The following PARD3 variants were observed in gnomAD, a reference collection of about 807,000 sequenced individuals.
PARD3 encodes par-3 family cell polarity regulator.
A neutral mutation model predicts 155.4 loss-of-function variants in PARD3; 75 were observed. The ratio of observed to expected loss-of-function variants is 0.48; its 90% CI spans 0.40 to 0.58. The LOEUF (loss-of-function observed/expected upper bound fraction) is 0.58, where lower values mean the gene tolerates loss of function less well. PARD3 is among the 20% of genes least tolerant of loss of function. PARD3 has a pLI of 0.00. For synonymous variants in PARD3, 576 were observed against 610.5 expected (o/e 0.94, Z 0.83); for missense variants, 1,642 against 1,721.7 (o/e 0.95, Z 0.82).
chr10:34,114,555 G>A (rs1946562138), intron 24 of PARD3, among the ~76,000 whole-genome samples: 1 of 152,124 alleles, frequency 6.6e-6, no homozygotes, highest in African/African-American at 2.4e-5. Context: ...TGTTGGACCA[G>A]GCTGGTCTTG....
chr10:34,496,072 T>C (rs1360204556), intron 3 of PARD3, among the ~76,000 whole-genome samples: 1 of 151,738 alleles, frequency 6.6e-6, no homozygotes, highest in East Asian at 1.9e-4. Flanking sequence ...CATGGTGGTG[T>C]GCGCCTGTAG....
intron 2 of PARD3, among the ~76,000 whole-genome samples, chr10:34,573,287 T>C (rs1334156676): frequency 6.6e-6 from 1 of 152,086 alleles, no homozygotes; most frequent in East Asian, 1.9e-4. Flanking sequence ...GCCCAGGAGG[T>C]TGAGGCTGTA....
chr10:34,219,709 ATC>A (rs1218786511), intron 22 of PARD3, among the ~76,000 whole-genome samples: 4 of 152,188 alleles, frequency 2.6e-5, no homozygotes, highest in African/African-American at 9.6e-5. Context: ...TCACCTGTAA[ATC>A]TCTTAGTCAT....
chr10:34,792,426 C>T (rs1350611394), intron 1 of PARD3, among the ~76,000 whole-genome samples: 1 of 152,178 alleles, frequency 6.6e-6, no homozygotes, highest in Non-Finnish European at 1.5e-5. Flanking sequence ...CCCATTCTCC[C>T]ATTATCAACA....
At chr10:34,746,109 A>G (rs1005119383) in intron 1 of PARD3, among the ~76,000 whole-genome samples, 2 of 152,016 alleles carry the variant, frequency 1.3e-5, no homozygotes, top group African/African-American at 4.8e-5. Context: ...CTCAAAAAAC[A>G]AAAAAGAAAA....
chr10:34,425,974 A>G (rs569780705), intron 5 of PARD3, among the ~76,000 whole-genome samples: 1 of 152,342 alleles, frequency 6.6e-6, no homozygotes, highest in South Asian at 2.1e-4. Context: ...TGTGGACCCA[A>G]TAAACTATCA....
chr10:34,808,271 G>A (rs889088916), intron 1 of PARD3, among the ~76,000 whole-genome samples: 3 of 151,992 alleles, frequency 2.0e-5, no homozygotes, highest in Non-Finnish European at 4.4e-5. Context: ...CAGAGATCAC[G>A]CCACTTCACT....
At chr10:34,362,971 C>T (rs1379438707) in intron 12 of PARD3, among the ~76,000 whole-genome samples, 3 of 152,172 alleles carry the variant, frequency 2.0e-5, no homozygotes, top group Non-Finnish European at 4.4e-5. Context: ...ATTATTCTGT[C>T]AATCAGTACT....
At chr10:34,191,136 G>A (rs1487086205) in intron 22 of PARD3, among the ~76,000 whole-genome samples, 1 of 151,934 alleles carries the variant, frequency 6.6e-6, no homozygotes, top group Non-Finnish European at 1.5e-5. Context: ...TGAGATGGGA[G>A]AGCAGCTAGG....
In PARD3 at chr10:34,119,392, G is replaced by T. The variant is rs116807418; in HGVS notation, c.3668+221C>A. ...TCACTTTTTTAGGGAGCTTGTGGGT[G>T]AAAATACTGGCATCTCCTGCAATGG... On this transcript the variant is annotated intron_variant, in intron 24 of 24. Coordinates refer to ENST00000374788, the MANE Select transcript of PARD3 (RefSeq NM_001184785.2). Among the ~76,000 whole-genome samples, 455 of 152,320 alleles carry T rather than the reference G, an allele frequency of 3.0e-3. 1 individual carries two copies. The highest frequency in any genetic ancestry group is 0.01 in the African/African-American group (432 of 41,578).
chr10:34,538,400 T>C (rs924271223), intron 2 of PARD3, among the ~76,000 whole-genome samples: 12 of 152,210 alleles, frequency 7.9e-5, no homozygotes, highest in African/African-American at 2.4e-4. Flanking sequence ...CATTCGCTGA[T>C]AAACAGGCTA....
At chr10:34,200,018 G>T (rs1458709954) in intron 22 of PARD3, among the ~76,000 whole-genome samples, 1 of 152,194 alleles carries the variant, frequency 6.6e-6, no homozygotes, top group East Asian at 1.9e-4. Flanking sequence ...ATTGGTAAGT[G>T]AAGATCATGG....
chr10:34,365,996 T>C (rs1839932893), intron 12 of PARD3, among the ~76,000 whole-genome samples: 1 of 152,200 alleles, frequency 6.6e-6, no homozygotes, highest in Admixed American at 6.5e-5. Flanking sequence ...GAATTACAAG[T>C]GATTTTAATT....
intron 2 of PARD3, among the ~76,000 whole-genome samples, chr10:34,695,324 A>C (rs2133469136): frequency 6.6e-6 from 1 of 152,046 alleles, no homozygotes; most frequent in Admixed American, 6.5e-5. Flanking sequence ...AAAATACAAA[A>C]ATTAGCCAGG....
intron 22 of PARD3, among the ~76,000 whole-genome samples, chr10:34,221,027 C>T (rs1952253761): frequency 1.3e-5 from 2 of 152,228 alleles, no homozygotes; most frequent in African/African-American, 2.4e-5. Flanking sequence ...TCCCCAATAT[C>T]TTCCCTTCCT....
At chr10:34,509,672 G>A (rs897917088) in intron 3 of PARD3, among the ~76,000 whole-genome samples, 1 of 152,130 alleles carries the variant, frequency 6.6e-6, no homozygotes, top group Admixed American at 6.5e-5. Context: ...TTACTATGGT[G>A]AGGGCGGCCC....
intron 2 of PARD3, among the ~76,000 whole-genome samples, chr10:34,623,009 T>C (rs886808765): frequency 3.9e-5 from 6 of 151,972 alleles, no homozygotes; most frequent in East Asian, 1.9e-4. Flanking sequence ...CCCTCAGCCA[T>C]GTATAAGAGC....
chr10:34,352,800 T>C (rs1326100546), intron 14 of PARD3, among the ~76,000 whole-genome samples: 2 of 146,728 alleles, frequency 1.4e-5, no homozygotes, highest in Non-Finnish European at 3.0e-5. Flanking sequence ...CTCTGCCTGG[T>C]CGCCCATCGT....
At chr10:34,681,752 ATATATATATATATATAT>A (rs2093834367) in intron 2 of PARD3, among the ~76,000 whole-genome samples, 1 of 19,162 alleles carries the variant, frequency 5.2e-5, no homozygotes, top group African/African-American at 1.9e-4. Context: ...ATATATATAT[ATATATATATATATATAT>A]TTTTTTTTTT....
Sources: allele counts gnomAD v4.1 joint callset (sites outside exome capture counted in the v4.1 genomes callset), GRCh38; gene constraint gnomAD v4.1.1; transcripts MANE v1.5; gene names NCBI Gene and HGNC (gene_info 2026-07-23, HGNC 2026-07-21).